AGPAT4: variants seen among roughly 807,000 people sequenced by gnomAD.
AGPAT4 encodes the protein 1-acyl-sn-glycerol-3-phosphate acyltransferase delta.
Under a neutral mutation model 48.0 loss-of-function variants are expected in AGPAT4, and 15 were observed. The observed-to-expected ratio is 0.31, with a 90% CI of 0.21 to 0.48. The LOEUF is 0.48. Among genes scored for constraint, AGPAT4 ranks in the 20% least tolerant of loss-of-function variants. The pLI, the probability that AGPAT4 is intolerant of heterozygous loss-of-function variation, is 0.99. For synonymous variants in AGPAT4, 178 were observed against 198.7 expected (o/e 0.90, Z 0.88); for missense variants, 314 against 482.5 (o/e 0.65, Z 3.27).
At chr6:161,199,666 C>T (rs533284621) in intron 2 of AGPAT4, among the ~76,000 whole-genome samples, 4 of 152,252 alleles carry the variant, frequency 2.6e-5, no homozygotes, top group African/African-American at 9.6e-5. Context: ...GGATTTCCCC[C>T]TTGCTGTTCT....
Position 161,166,621 on chromosome 6 carries a change from GGAA to G in AGPAT4, c.179-207_179-205del, listed in dbSNP as rs1466290787. Among the ~76,000 whole-genome samples, 3 of 152,236 alleles carry G rather than the reference GGAA, an allele frequency of 2.0e-5. No individual in the cohort carries two copies. The East Asian group carries it at 5.8e-4, about 29-fold the overall frequency. On this transcript the variant is annotated intron_variant, in intron 2 of 8. Transcript: ENST00000320285. The surrounding 1 kb of genome is among the most constrained non-coding windows in gnomAD (Gnocchi z 6.7). ...AGAAAGACTTCACAACATTCTCCAG[GGAA>G]GAAGAGAAGGATACTTGGAGAAGGT...
At chr6:161,224,640 C>CAAAA (rs71543000) in intron 2 of AGPAT4, among the ~76,000 whole-genome samples, 57 of 78,358 alleles carry the variant, frequency 7.3e-4, no homozygotes, top group Non-Finnish European at 9.7e-4. Flanking sequence ...GACTCCTTCT[C>CAAAA]AAAAAAAAAA....
chr6:161,253,646 T>C (rs1782864754), intron 1 of AGPAT4, among the ~76,000 whole-genome samples: 1 of 144,424 alleles, frequency 6.9e-6, no homozygotes, highest in African/African-American at 2.8e-5. Flanking sequence ...TATAAATAAA[T>C]ATATTGCACC....
chr6:161,269,150 A>T (rs945599106), intron 1 of AGPAT4, among the ~76,000 whole-genome samples: 3 of 152,076 alleles, frequency 2.0e-5, no homozygotes, highest in African/African-American at 7.2e-5. Flanking sequence ...GTCACCTGGA[A>T]ATCTATGAGT....
At position 161,198,318 on chromosome 6, in the gene AGPAT4, C is replaced by T. The variant is rs1242727441; in HGVS notation, c.179-31901G>A. Among the ~76,000 whole-genome samples, 1 of 152,130 alleles carries T rather than the reference C, an allele frequency of 6.6e-6. No homozygotes were observed. The highest frequency in any genetic ancestry group is 1.5e-5 in the Non-Finnish European group (1 of 68,032). On this transcript the variant is annotated intron_variant, in intron 2 of 8. Transcript: ENST00000320285. The surrounding 1 kb of genome is among the most constrained non-coding windows in gnomAD (Gnocchi z 4.3). ...CTCAGTTGAGAGTGATTTCACAATCCCCTCTCCTCCGGGGCATTTGGCAAT... is the reference window on the plus strand; with the variant it reads ...CTCAGTTGAGAGTGATTTCACAATCTCCTCTCCTCCGGGGCATTTGGCAAT...
intron 2 of AGPAT4, among the ~76,000 whole-genome samples, chr6:161,181,510 C>T (rs565859083): frequency 8.0e-5 from 9 of 112,210 alleles, no homozygotes; most frequent in East Asian, 2.1e-4. Flanking sequence ...TAGCAGGGGG[C>T]GGGGGGCGCT....
intron 2 of AGPAT4, among the ~76,000 whole-genome samples, chr6:161,207,713 T>C (rs1165847072): frequency 2.0e-5 from 3 of 151,884 alleles, no homozygotes; most frequent in East Asian, 3.9e-4. Context: ...GAAGGAAAGG[T>C]AGAATAGTAG....
Position 161,243,020 on chromosome 6 carries a change from G to A in AGPAT4, c.-89-10718C>T, listed in dbSNP as rs564000468. 2.2e-3 allele frequency among the ~76,000 whole-genome samples: 331 copies of A among 152,148 alleles called. 1 individual carries two copies. Among genetic ancestry groups the A allele is most frequent in the African/African-American group, 7.6e-3 (315 of 41,520 alleles). On this transcript the variant is annotated intron_variant, in intron 1 of 8. Transcript: ENST00000320285. This position sits in a 1 kb window ranked among gnomAD's most constrained non-coding sequence, Gnocchi z 4.8. Reference sequence around the variant, plus strand: ...GGAGGTTGCAGTGAGTGGAGATTGCGCCACTGCACTCCAGCTTGGGCGACA... The same window carrying A: ...GGAGGTTGCAGTGAGTGGAGATTGCACCACTGCACTCCAGCTTGGGCGACA...
rs545289528 is a variant in AGPAT4, at chr6:161,178,100, G to C, written c.179-11683C>G. On this transcript the variant is annotated intron_variant, in intron 2 of 8. Coordinates refer to ENST00000320285, the MANE Select transcript of AGPAT4 (RefSeq NM_020133.3). This position sits in a 1 kb window ranked among gnomAD's most constrained non-coding sequence, Gnocchi z 5.1. ...CCCAGTTAGGCTACTCGGGGGTCAG[G>C]GACCCACTTGAGGAGGCAGTCTGTC... Among the ~76,000 whole-genome samples, 2 of 152,302 alleles carry C rather than the reference G, an allele frequency of 1.3e-5. No homozygotes were observed. The highest frequency in any genetic ancestry group is 3.9e-4 in the East Asian group (2 of 5,176).
Position 161,154,163 on chromosome 6 carries a change from G to T in AGPAT4, c.496C>A (p.Pro166Thr). 1 of 1,614,118 alleles carries T rather than the reference G, an allele frequency of 6.2e-7. No individual in the cohort carries two copies. The highest frequency in any genetic ancestry group is 8.5e-7 in the Non-Finnish European group (1 of 1,180,020). Residue 166 changes from proline to threonine, a missense_variant, in exon 4 of 9, where the codon CCC (proline) becomes ACC (threonine). Transcript: ENST00000320285. This position sits in a 1 kb window ranked among gnomAD's most constrained non-coding sequence, Gnocchi z 7.8. ...TGCCTACATACAAAATACTTCTCGG[G>T]GTAGTCCCGGAGGTGCTGCAAACTG... The part of the protein sequence containing the change: ...ATSLQHLRDY[P>T]EKYFFLIHCE...
At chr6:161,252,594 C>T (rs1036401758) in intron 1 of AGPAT4, among the ~76,000 whole-genome samples, 11 of 152,026 alleles carry the variant, frequency 7.2e-5, no homozygotes, top group African/African-American at 2.7e-4. Flanking sequence ...AAGGCCAAGG[C>T]GGGAGATCTC....
At chr6:161,247,104 T>C (rs189455969) in intron 1 of AGPAT4, among the ~76,000 whole-genome samples, 2 of 152,340 alleles carry the variant, frequency 1.3e-5, no homozygotes, top group East Asian at 3.9e-4. Flanking sequence ...TAAACTGACA[T>C]GAAATTACTC....
intron 3 of AGPAT4, among the ~76,000 whole-genome samples, chr6:161,156,791 C>G (rs1779780267): frequency 6.6e-6 from 1 of 152,256 alleles, no homozygotes; most frequent in Non-Finnish European, 1.5e-5. Flanking sequence ...GAACACCTAG[C>G]CTGCCCAGGG....
chr6:161,176,907 G>A (rs1278071577), intron 2 of AGPAT4, among the ~76,000 whole-genome samples: 1 of 152,126 alleles, frequency 6.6e-6, no homozygotes, highest in African/African-American at 2.4e-5. Context: ...ATGAAGCTTA[G>A]TTTGGCTGGA....
Position 161,146,463 on chromosome 6 carries a change from C to G in AGPAT4, c.843+61G>C. The G allele has an allele frequency of 3.2e-6, 5 of 1,549,982 alleles. No homozygotes were observed. Among genetic ancestry groups the G allele is most frequent in the South Asian group, 1.1e-5 (1 of 89,222 alleles). ...GAGAAAGGCCTGCTACCACACAACA[C>G]AGCCACACGGCGCACCCACAGCTGC... On this transcript the variant is annotated intron_variant, in intron 7 of 8. Coordinates refer to ENST00000320285, the MANE Select transcript of AGPAT4 (RefSeq NM_020133.3). The surrounding 1 kb of genome is among the most constrained non-coding windows in gnomAD (Gnocchi z 7.1).
rs1311009949 is a variant in AGPAT4, at chr6:161,246,225, C to T, written c.-89-13923G>A. On this transcript the variant is annotated intron_variant, in intron 1 of 8. Coordinates refer to ENST00000320285, the MANE Select transcript of AGPAT4 (RefSeq NM_020133.3). This position sits in a 1 kb window ranked among gnomAD's most constrained non-coding sequence, Gnocchi z 5.5. ...GATGAGGTTCTTTCCAACTTTTAAG[C>T]AGAATCCAGGACAGAGTTGTTTAAT... Among the ~76,000 whole-genome samples the T allele has an allele frequency of 2.0e-5, 3 of 152,324 alleles. No individual in the cohort carries two copies. The highest frequency in any genetic ancestry group is 4.4e-5 in the Non-Finnish European group (3 of 68,026).
intron 1 of AGPAT4, among the ~76,000 whole-genome samples, chr6:161,263,359 C>T (rs1390657155): frequency 3.3e-5 from 5 of 152,044 alleles, no homozygotes; most frequent in Admixed American, 6.6e-5. Context: ...GGTGTGGTGG[C>T]GGGCACCTGT....
chr6:161,199,581 C>T (rs1256160585), intron 2 of AGPAT4, among the ~76,000 whole-genome samples: 1 of 152,186 alleles, frequency 6.6e-6, no homozygotes, highest in Non-Finnish European at 1.5e-5. Context: ...TCCGTGTCCC[C>T]ATCCAAATCT....
chr6:161,170,229 G>A (rs1219012498), intron 2 of AGPAT4, among the ~76,000 whole-genome samples: 2 of 152,142 alleles, frequency 1.3e-5, no homozygotes, highest in East Asian at 3.9e-4. Flanking sequence ...ATCACATGCA[G>A]ATACAACTTC....
Sources: allele counts gnomAD v4.1 joint callset (sites outside exome capture counted in the v4.1 genomes callset), GRCh38; gene constraint gnomAD v4.1.1; non-coding constraint Gnocchi (gnomAD v3.1); transcripts MANE v1.5; gene names NCBI Gene and HGNC (gene_info 2026-07-23, HGNC 2026-07-21).